Variants in DYNC1I1 observed in about 807,000 individuals in gnomAD.
DYNC1I1 encodes cytoplasmic dynein 1 intermediate chain 1.
Under a neutral mutation model 86.6 loss-of-function variants are expected in DYNC1I1, and 43 were observed. The ratio of observed to expected loss-of-function variants is 0.50; its 90% CI spans 0.39 to 0.64. DYNC1I1 has a LOEUF of 0.64. Ranked by LOEUF, DYNC1I1 falls within the 30% of genes least tolerant of loss-of-function variation. The probability of loss-of-function intolerance (pLI) is 0.00; values close to 1 mark genes in which losing one functional copy is unlikely to be tolerated. For missense variants in DYNC1I1, 604 were observed against 788.8 expected (o/e 0.77, Z 2.81); for synonymous variants, 262 against 283.7 (o/e 0.92, Z 0.77).
Position 96,097,837 on chromosome 7 carries a change from A to G in DYNC1I1, c.*244A>G. 1 of 1,233,808 alleles carries G rather than the reference A, an allele frequency of 8.1e-7. No individual in the cohort carries two copies. The highest frequency in any genetic ancestry group is 1.0e-6 in the Non-Finnish European group (1 of 981,348). The allele number at this position is 1,233,808 out of a possible 1,614,324, so 76.4% of individuals were successfully genotyped here. ...TCTCAAAAATGAAGAGAAGGGGGTT[A>G]TGGGTTAAGTTGCTGCCTTTTAACT... On this transcript the variant is annotated 3_prime_UTR_variant, in exon 17 of 17. Coordinates refer to ENST00000447467, the MANE Select transcript of DYNC1I1 (RefSeq NM_001135556.2).
chr7:96,067,746 A>G (rs975658019), intron 14 of DYNC1I1, among the ~76,000 whole-genome samples: 2 of 152,202 alleles, frequency 1.3e-5, no homozygotes, highest in African/African-American at 4.8e-5. Flanking sequence ...CCAACAAGTA[A>G]GGACTTGGTG....
intron 9 of DYNC1I1, among the ~76,000 whole-genome samples, chr7:95,990,003 G>T (rs1584231014): frequency 6.6e-6 from 1 of 152,196 alleles, no homozygotes; most frequent in East Asian, 1.9e-4. Context: ...TGTGTGTCTA[G>T]GATGATTTCC....
intron 6 of DYNC1I1, among the ~76,000 whole-genome samples, chr7:95,902,096 AG>A (rs1248922035): frequency 6.6e-6 from 1 of 152,188 alleles, no homozygotes; most frequent in African/African-American, 2.4e-5. Flanking sequence ...TTGGTATTTA[AG>A]GGCGGCTCTA....
chr7:96,014,509 T>C (rs1349516290), intron 10 of DYNC1I1, among the ~76,000 whole-genome samples: 2 of 152,222 alleles, frequency 1.3e-5, no homozygotes, highest in Non-Finnish European at 2.9e-5. Flanking sequence ...ATGTTAGTTC[T>C]CTTGCTATAT....
At chr7:96,018,461 G>A (rs563478783) in intron 10 of DYNC1I1, among the ~76,000 whole-genome samples, 7 of 152,302 alleles carry the variant, frequency 4.6e-5, no homozygotes, top group Non-Finnish European at 8.8e-5. Flanking sequence ...CTGATACAGC[G>A]ATGTGTAGTA....
At chr7:95,857,726 G>A (rs537593193) in intron 5 of DYNC1I1, among the ~76,000 whole-genome samples, 3 of 152,260 alleles carry the variant, frequency 2.0e-5, no homozygotes, top group South Asian at 2.1e-4. Flanking sequence ...GGTTTCATCC[G>A]TATTGAAGAT....
chr7:95,934,206 A>T (rs1791978560), intron 6 of DYNC1I1, among the ~76,000 whole-genome samples: 1 of 152,114 alleles, frequency 6.6e-6, no homozygotes, highest in Non-Finnish European at 1.5e-5. Flanking sequence ...GAGAAATGAA[A>T]CAATTTTGGA....
rs1357229076 is a variant in DYNC1I1, at chr7:95,810,462, A to C, written c.179A>C (p.Glu60Ala). 1 of 1,613,048 alleles carries C rather than the reference A, an allele frequency of 6.2e-7. No homozygotes were observed. Among genetic ancestry groups the C allele is most frequent in the Non-Finnish European group, 8.5e-7 (1 of 1,179,376 alleles). The part of the protein sequence containing the change: ...SDLDRKRRET[E>A]ALLQSIGISP... ...CTGGATCGCAAACGACGAGAGACAGAGGCTTTGCTGCAAAGCATTGGTATC... is the reference window on the plus strand; with the variant it reads ...CTGGATCGCAAACGACGAGAGACAGCGGCTTTGCTGCAAAGCATTGGTATC... The change falls in exon 3 of 17, where the codon GAG becomes GCG. Residue 60 changes from glutamate (E) to alanine (A), a missense_variant. By Grantham distance (107) the Glu-to-Ala change is moderately radical. Transcript: ENST00000447467.
intron 9 of DYNC1I1, among the ~76,000 whole-genome samples, chr7:95,993,219 A>G (rs1260256954): frequency 2.0e-5 from 3 of 152,222 alleles, no homozygotes; most frequent in African/African-American, 7.2e-5. Flanking sequence ...GCGTGAGATA[A>G]AATTTAAATC....
chr7:95,856,397 GAAA>G, intron 5 of DYNC1I1, among the ~76,000 whole-genome samples: 1 of 152,216 alleles, frequency 6.6e-6, no homozygotes, highest in African/African-American at 2.4e-5. Context: ...ACACTTTTCA[GAAA>G]TATGTCGATG....
At chr7:95,798,586 A>G (rs1260365921) in intron 1 of DYNC1I1, among the ~76,000 whole-genome samples, 1 of 152,230 alleles carries the variant, frequency 6.6e-6, no homozygotes, top group Non-Finnish European at 1.5e-5. Flanking sequence ...TATTTTTTCA[A>G]TAAGTCTGGC....
chr7:96,059,380 G>A (rs574886786), intron 14 of DYNC1I1, among the ~76,000 whole-genome samples: 1 of 152,272 alleles, frequency 6.6e-6, no homozygotes, highest in African/African-American at 2.4e-5. Flanking sequence ...TTTACAATAT[G>A]AGAGCTGAAA....
At chr7:95,804,202 T>C in intron 1 of DYNC1I1, 1 of 237,538 alleles carries the variant, frequency 4.2e-6, no homozygotes, top group Non-Finnish European at 7.8e-6. Context: ...CTGATGCAAA[T>C]AATGTTAGGC....
chr7:95,996,261 G>A (rs1793865604), intron 10 of DYNC1I1, among the ~76,000 whole-genome samples, 188 bp downstream of exon 10: 2 of 152,148 alleles, frequency 1.3e-5, no homozygotes, highest in Admixed American at 1.3e-4. Context: ...AAACAGTTAG[G>A]AAGCTTGGTT....
intron 9 of DYNC1I1, among the ~76,000 whole-genome samples, chr7:95,994,439 G>C (rs1291640211): frequency 6.6e-6 from 1 of 152,204 alleles, no homozygotes; most frequent in African/African-American, 2.4e-5. Context: ...AGTCAGGATT[G>C]TCTGGAGGAC....
chr7:96,013,289 C>T (rs1323721750), intron 10 of DYNC1I1, among the ~76,000 whole-genome samples: 1 of 152,120 alleles, frequency 6.6e-6, no homozygotes, highest in African/African-American at 2.4e-5. Context: ...TGAGGGTGGC[C>T]TCTAGAAGTT....
At chr7:96,096,624 A>G (rs916758) in intron 16 of DYNC1I1, among the ~76,000 whole-genome samples, 31,341 of 152,020 alleles carry the variant, frequency 0.21, 3,709 homozygotes, top group East Asian at 0.38. Context: ...GACTAACAAA[A>G]ATTCATACAT....
chr7:95,851,499 T>C (rs1789577888), intron 5 of DYNC1I1, among the ~76,000 whole-genome samples: 1 of 152,244 alleles, frequency 6.6e-6, no homozygotes, highest in Admixed American at 6.5e-5. Flanking sequence ...AAACCTTGGA[T>C]AAAGAGGGGC....
At position 95,867,738 on chromosome 7, in the gene DYNC1I1, T is replaced by G. The variant is rs140567122; in HGVS notation, c.375-2145T>G. 3.6e-3 allele frequency among the ~76,000 whole-genome samples: 549 copies of G among 152,264 alleles called. 3 individuals carry two copies. The highest frequency in any genetic ancestry group is 0.013 in the African/African-American group (534 of 41,550). On this transcript the variant is annotated intron_variant, in intron 5 of 16. Transcript: ENST00000447467. ...CAGGGCAGTTGAGGGTTTAGGGTGA[T>G]CTCTCTGTGCTCAGGTGGCCTCAAT...
Sources: allele counts gnomAD v4.1 joint callset (sites outside exome capture counted in the v4.1 genomes callset), GRCh38; gene constraint gnomAD v4.1.1; transcripts MANE v1.5; gene names NCBI Gene and HGNC (gene_info 2026-07-23, HGNC 2026-07-21).